MLLT3: variants seen among roughly 807,000 people sequenced by gnomAD.
The protein encoded by MLLT3 is MLLT3 super elongation complex subunit.
In MLLT3, 4 loss-of-function variants were observed where a neutral mutation model predicts 53.2. That is an observed-to-expected ratio of 0.08 (90% CI 0.04 to 0.17). The LOEUF (loss-of-function observed/expected upper bound fraction) is 0.17, where lower values mean the gene tolerates loss of function less well. MLLT3 is among the 10% of genes least tolerant of loss of function. The pLI, the probability that MLLT3 is intolerant of heterozygous loss-of-function variation, is 1.00. For missense variants in MLLT3, 569 were observed against 684.0 expected (o/e 0.83, Z 1.87); for synonymous variants, 283 against 230.6 (o/e 1.23, Z -2.06).
At chr9:20,356,248 T>A (rs891658989) in intron 8 of MLLT3, among the ~76,000 whole-genome samples, 1 of 152,208 alleles carries the variant, frequency 6.6e-6, no homozygotes, top group Non-Finnish European at 1.5e-5. Flanking sequence ...CATGCTTTTT[T>A]TCATCATTTT....
intron 2 of MLLT3, among the ~76,000 whole-genome samples, chr9:20,551,077 T>C (rs2119027377): frequency 6.6e-6 from 1 of 152,364 alleles, no homozygotes; most frequent in Middle Eastern, 3.4e-3. Flanking sequence ...AAGTTTTCTT[T>C]AAATGGCCAA....
rs1481672559 is a variant in MLLT3, at chr9:20,615,668, G to C, written c.193+4986C>G. Among the ~76,000 whole-genome samples the C allele has an allele frequency of 2.0e-5, 3 of 151,568 alleles. No homozygotes were observed. In the East Asian group the frequency reaches 5.8e-4, roughly 29 times the overall value. On this transcript the variant is annotated intron_variant, in intron 2 of 10. Transcript: ENST00000380338. ...TCGGAGTGTAGAGTTAGGATCTCAG[G>C]ATCCCTATGATCTTTTCAGGTGATT...
chr9:20,468,244 T>C (rs554884377), intron 2 of MLLT3, among the ~76,000 whole-genome samples: 22 of 152,362 alleles, frequency 1.4e-4, no homozygotes, highest in African/African-American at 4.8e-4. Flanking sequence ...AGAGAATTTT[T>C]TGGACTTCTT....
intron 6 of MLLT3, among the ~76,000 whole-genome samples, chr9:20,364,067 G>C (rs1821389997): frequency 6.6e-6 from 1 of 152,136 alleles, no homozygotes. Flanking sequence ...TCAATTTCAG[G>C]TCAAGCAAGC....
intron 4 of MLLT3, among the ~76,000 whole-genome samples, chr9:20,423,039 G>A (rs1046072054): frequency 1.3e-5 from 2 of 152,140 alleles, no homozygotes; most frequent in Non-Finnish European, 2.9e-5. Context: ...TGATAAAACT[G>A]ACACTCAAGC....
chr9:20,390,271 G>A (rs553776762), intron 5 of MLLT3, among the ~76,000 whole-genome samples: 195 of 152,088 alleles, frequency 1.3e-3, no homozygotes, highest in Non-Finnish European at 2.4e-3. Flanking sequence ...AATTTTCCCC[G>A]AGATTGTAAA....
At chr9:20,359,089 G>T (rs1414754918) in intron 8 of MLLT3, among the ~76,000 whole-genome samples, 1 of 133,448 alleles carries the variant, frequency 7.5e-6, no homozygotes, top group Non-Finnish European at 1.5e-5. Flanking sequence ...AGGTTGCAGT[G>T]AGCCAAGATC....
chr9:20,472,554 G>A (rs1586975670), intron 2 of MLLT3, among the ~76,000 whole-genome samples: 1 of 151,998 alleles, frequency 6.6e-6, no homozygotes, highest in Non-Finnish European at 1.5e-5. Flanking sequence ...ACAAGTGAAG[G>A]TGCCAAGTCT....
intron 2 of MLLT3, among the ~76,000 whole-genome samples, chr9:20,545,481 C>G (rs1290516584): frequency 1.3e-5 from 2 of 152,082 alleles, no homozygotes; most frequent in Admixed American, 1.3e-4. Context: ...TTCTGGGGAA[C>G]TGTTTCATAG....
intron 5 of MLLT3, among the ~76,000 whole-genome samples, chr9:20,406,596 G>A (rs1374160510): frequency 6.6e-6 from 1 of 152,136 alleles, no homozygotes; most frequent in Non-Finnish European, 1.5e-5. Flanking sequence ...AAGCACTGAG[G>A]TCTCAAACCA....
chr9:20,495,148 T>C (rs1450531470), intron 2 of MLLT3, among the ~76,000 whole-genome samples: 1 of 152,170 alleles, frequency 6.6e-6, no homozygotes, highest in Non-Finnish European at 1.5e-5. Flanking sequence ...ATATAAATCA[T>C]TTTTCTCTCT....
chr9:20,561,822 T>C (rs1819220933), intron 2 of MLLT3, among the ~76,000 whole-genome samples: 1 of 152,136 alleles, frequency 6.6e-6, no homozygotes. Context: ...ATAAGAACCC[T>C]CTGTAGGCTT....
At chr9:20,383,607 T>C (rs967678661) in intron 5 of MLLT3, among the ~76,000 whole-genome samples, 4 of 151,878 alleles carry the variant, frequency 2.6e-5, no homozygotes, top group African/African-American at 9.7e-5. Flanking sequence ...ACTGAATAAA[T>C]GATGACTAAA....
chr9:20,421,568 C>T (rs1280708614), intron 4 of MLLT3, among the ~76,000 whole-genome samples: 1 of 152,102 alleles, frequency 6.6e-6, no homozygotes, highest in Non-Finnish European at 1.5e-5. Flanking sequence ...AACATCAGTG[C>T]TTTAATTATA....
At chr9:20,439,869 G>A (rs1253850460) in intron 4 of MLLT3, among the ~76,000 whole-genome samples, 1 of 152,056 alleles carries the variant, frequency 6.6e-6, no homozygotes, top group African/African-American at 2.4e-5. Context: ...TTTTCTAGAT[G>A]TCCACACTTT....
At chr9:20,556,805 G>A (rs1265030905) in intron 2 of MLLT3, among the ~76,000 whole-genome samples, 1 of 151,996 alleles carries the variant, frequency 6.6e-6, no homozygotes, top group African/African-American at 2.4e-5. Flanking sequence ...AATGAATGGT[G>A]GCTGGTATGA....
At chr9:20,605,738 T>C (rs1279819500) in intron 2 of MLLT3, among the ~76,000 whole-genome samples, 3 of 152,096 alleles carry the variant, frequency 2.0e-5, no homozygotes, top group South Asian at 4.1e-4. Context: ...TTATACTATA[T>C]GCCATAGGTA....
chr9:20,599,450 C>A lies in MLLT3; in HGVS notation c.193+21204G>T, dbSNP rs546243413. Among the ~76,000 whole-genome samples, 335 of 118,356 alleles carry A rather than the reference C, an allele frequency of 2.8e-3. 1 individual carries two copies. Among genetic ancestry groups the A allele is most frequent in the African/African-American group, 8.9e-3 (295 of 33,298 alleles). The allele number at this position is 118,356 out of a possible 152,430, so 77.6% of individuals were successfully genotyped here. On this transcript the variant is annotated intron_variant, in intron 2 of 10. Transcript: ENST00000380338. ...ATCACATTCTGAAACAATTAGTAAC[C>A]AGATGTTTAAAAAAAAAAAAAAAAG...
chr9:20,533,257 C>G (rs780954932), intron 2 of MLLT3: 1 of 321,558 alleles, frequency 3.1e-6, no homozygotes. Context: ...TGAGATCTGC[C>G]GTCACTGGGT....
Sources: allele counts gnomAD v4.1 joint callset (sites outside exome capture counted in the v4.1 genomes callset), GRCh38; gene constraint gnomAD v4.1.1; transcripts MANE v1.5; gene names NCBI Gene and HGNC (gene_info 2026-07-23, HGNC 2026-07-21).